Variants in TRPM3 observed in about 807,000 individuals in gnomAD.
The protein encoded by TRPM3 is transient receptor potential cation channel subfamily M member 3.
TRPM3 carries 77 observed loss-of-function variants against 181.2 expected under a neutral mutation model. The ratio of observed to expected loss-of-function variants is 0.42; its 90% CI spans 0.35 to 0.51. TRPM3 has a LOEUF of 0.51. Among genes scored for constraint, TRPM3 ranks in the 20% least tolerant of loss-of-function variants. The pLI, the probability that TRPM3 is intolerant of heterozygous loss-of-function variation, is 0.01. For synonymous variants in TRPM3, 745 were observed against 796.4 expected (o/e 0.94, Z 1.09); for missense variants, 1,759 against 2,196.7 (o/e 0.80, Z 3.98).
chr9:71,194,063 C>T (rs1356385305), intron 1 of TRPM3, among the ~76,000 whole-genome samples: 1 of 151,902 alleles, frequency 6.6e-6, no homozygotes, highest in African/African-American at 2.4e-5. Flanking sequence ...CATTGTTTTA[C>T]ATGACACTGT....
At chr9:70,695,760 C>T (rs1203169769) in intron 8 of TRPM3, among the ~76,000 whole-genome samples, 2 of 152,130 alleles carry the variant, frequency 1.3e-5, no homozygotes, top group Non-Finnish European at 2.9e-5. Context: ...TCATCCAATC[C>T]CACAAAAGGA....
intron 1 of TRPM3, among the ~76,000 whole-genome samples, chr9:71,102,292 A>G (rs2068548362): frequency 6.6e-6 from 1 of 152,106 alleles, no homozygotes; most frequent in Non-Finnish European, 1.5e-5. Context: ...CTGAGAATGA[A>G]TTTTTACTTG....
intron 1 of TRPM3, among the ~76,000 whole-genome samples, chr9:71,295,083 T>C (rs1485747930): frequency 6.6e-6 from 1 of 152,216 alleles, no homozygotes; most frequent in East Asian, 1.9e-4. Flanking sequence ...TATTTAATGC[T>C]ATTCTTTATG....
chr9:70,784,756 T>C (rs1481244357), intron 6 of TRPM3, among the ~76,000 whole-genome samples: 3 of 152,224 alleles, frequency 2.0e-5, no homozygotes, highest in African/African-American at 7.2e-5. Flanking sequence ...TACATGGCTC[T>C]TTTTATTAAA....
intron 1 of TRPM3, among the ~76,000 whole-genome samples, chr9:71,233,366 C>A (rs944821359): frequency 6.6e-6 from 1 of 152,142 alleles, no homozygotes; most frequent in Non-Finnish European, 1.5e-5. Flanking sequence ...GGTAAAGTTT[C>A]AGTAGCAAAT....
chr9:71,152,942 G>T (rs1183539079), intron 1 of TRPM3, among the ~76,000 whole-genome samples: 1 of 152,144 alleles, frequency 6.6e-6, no homozygotes, highest in Non-Finnish European at 1.5e-5. Context: ...AAGACTGCAA[G>T]TTGATTAGTA....
At chr9:71,341,283 T>C (rs1325527572) in intron 1 of TRPM3, among the ~76,000 whole-genome samples, 1 of 152,152 alleles carries the variant, frequency 6.6e-6, no homozygotes, top group Non-Finnish European at 1.5e-5. Context: ...AATCTCAAAG[T>C]ATCCTACCCT....
intron 1 of TRPM3, among the ~76,000 whole-genome samples, chr9:71,199,386 A>C (rs947798232): frequency 6.6e-6 from 1 of 152,194 alleles, no homozygotes; most frequent in Non-Finnish European, 1.5e-5. Flanking sequence ...TGCTAGCCTC[A>C]TAAAATGAGT....
chr9:70,792,590 C>G (rs45614135), intron 6 of TRPM3, among the ~76,000 whole-genome samples: 15,022 of 147,978 alleles, frequency 0.1, 837 homozygotes, highest in East Asian at 0.16. Flanking sequence ...AAAAGAGGGA[C>G]AGAGGAAGAG....
intron 1 of TRPM3, among the ~76,000 whole-genome samples, chr9:71,313,795 C>T (rs1024532469): frequency 2.0e-5 from 3 of 152,080 alleles, no homozygotes; most frequent in Non-Finnish European, 4.4e-5. Flanking sequence ...TACTGAAACT[C>T]TTTTTCTTTT....
intron 1 of TRPM3, among the ~76,000 whole-genome samples, chr9:71,345,745 GTGACAAAAGATGTGTACAGTTATA>G (rs1197766512): frequency 2.6e-5 from 4 of 152,094 alleles, no homozygotes; most frequent in Non-Finnish European, 5.9e-5. Flanking sequence ...TAATAAAAAA[GTGACAAAAGATGTGTACAGTTATA>G]TGACAAAAGA....
chr9:71,317,827 T>C (rs2088790795), intron 1 of TRPM3, among the ~76,000 whole-genome samples: 2 of 152,302 alleles, frequency 1.3e-5, no homozygotes, highest in South Asian at 4.1e-4. Flanking sequence ...ACTTCGAATT[T>C]ATCTAAATAA....
intron 6 of TRPM3, chr9:70,811,239 G>A (rs1203549276): frequency 1.2e-6 from 2 of 1,608,450 alleles, no homozygotes; most frequent in Admixed American, 1.7e-5. Flanking sequence ...AAAAACGGCA[G>A]GCATCCTGTC....
chr9:70,931,480 T>A (rs1377747593), intron 1 of TRPM3, among the ~76,000 whole-genome samples: 1 of 151,910 alleles, frequency 6.6e-6, no homozygotes, highest in Admixed American at 6.6e-5. Context: ...GAAAATAGAG[T>A]TGTATACAAA....
At chr9:71,367,588 A>G (rs538687794) in intron 1 of TRPM3, among the ~76,000 whole-genome samples, 23 of 152,320 alleles carry the variant, frequency 1.5e-4, no homozygotes, top group African/African-American at 4.8e-4. Context: ...TGATTTCACC[A>G]TTTAGTAACC....
chr9:71,072,118 C>T (rs1472102883), intron 1 of TRPM3, among the ~76,000 whole-genome samples: 1 of 152,132 alleles, frequency 6.6e-6, no homozygotes, highest in Non-Finnish European at 1.5e-5. Context: ...AACATATGTC[C>T]ATCTGATTTC....
At chr9:71,145,353 G>T (rs1023789810) in intron 1 of TRPM3, among the ~76,000 whole-genome samples, 4 of 152,148 alleles carry the variant, frequency 2.6e-5, no homozygotes, top group Admixed American at 2.6e-4. Context: ...TCAGCCAAGG[G>T]CTTCTGCTGC....
At chr9:71,396,768 C>T (rs1317941378) in intron 1 of TRPM3, among the ~76,000 whole-genome samples, 4 of 151,744 alleles carry the variant, frequency 2.6e-5, no homozygotes, top group African/African-American at 9.7e-5. Flanking sequence ...TGAGACCCAT[C>T]CTGGCTAACA....
In TRPM3 at chr9:70,625,167, C is replaced by A; in HGVS notation, c.1809+24G>T. On this transcript the variant is annotated intron_variant, in intron 14 of 25. Coordinates refer to ENST00000677713, the MANE Select transcript of TRPM3 (RefSeq NM_001366145.2). This position sits in a 1 kb window ranked among gnomAD's most constrained non-coding sequence, Gnocchi z 4.8. ...TACACCCTAGTCCTCCCAGGAAGGGCCCCGAATTTGCAGCCAGCCTCACCC... is the reference window on the plus strand; with the variant it reads ...TACACCCTAGTCCTCCCAGGAAGGGACCCGAATTTGCAGCCAGCCTCACCC... The A allele has an allele frequency of 6.2e-7, 1 of 1,613,456 alleles. No individual in the cohort carries two copies. Among genetic ancestry groups the A allele is most frequent in the Non-Finnish European group, 8.5e-7 (1 of 1,179,684 alleles).
Sources: gnomAD v4.1 joint callset for allele counts (sites outside exome capture counted in the v4.1 genomes callset) on GRCh38, gnomAD v4.1.1 for gene constraint, Gnocchi (gnomAD v3.1) non-coding constraint, MANE v1.5 for transcripts, NCBI Gene and HGNC (gene_info 2026-07-23, HGNC 2026-07-21) for gene names.